The following XYLT1 variants were observed in gnomAD, a reference collection of about 807,000 sequenced individuals.
XYLT1 encodes the protein xylosyltransferase 1.
XYLT1 carries 36 observed loss-of-function variants against 91.3 expected under a neutral mutation model. That is an observed-to-expected ratio of 0.39 (90% CI 0.30 to 0.52). The LOEUF is 0.52. XYLT1 is among the 20% of genes least tolerant of loss of function. XYLT1 has a pLI of 0.68. For synonymous variants in XYLT1, 588 were observed against 532.0 expected (o/e 1.11, Z -1.45); for missense variants, 1,242 against 1,284.5 (o/e 0.97, Z 0.51).
chr16:17,145,048 A>G (rs748742191), intron 6 of XYLT1, among the ~76,000 whole-genome samples: 2 of 152,248 alleles, frequency 1.3e-5, no homozygotes, highest in Non-Finnish European at 2.9e-5. Flanking sequence ...CTAGCCCCTG[A>G]TAACCATCAG....
At chr16:17,254,132 A>T (rs1222233660) in intron 3 of XYLT1, among the ~76,000 whole-genome samples, 1 of 152,206 alleles carries the variant, frequency 6.6e-6, no homozygotes, top group Admixed American at 6.5e-5. Flanking sequence ...AGTGTTGCAC[A>T]TATTAGCACA....
At chr16:17,432,032 C>T (rs2036398638) in intron 1 of XYLT1, among the ~76,000 whole-genome samples, 1 of 152,060 alleles carries the variant, frequency 6.6e-6, no homozygotes, top group Non-Finnish European at 1.5e-5. Context: ...TTGTATTTCA[C>T]ACACAGCGGT....
At chr16:17,470,090 G>GA (rs1249313556) in intron 1 of XYLT1, among the ~76,000 whole-genome samples, 10 of 141,190 alleles carry the variant, frequency 7.1e-5, no homozygotes, top group Non-Finnish European at 9.5e-5. Flanking sequence ...GGCAGGGAGC[G>GA]AGTCACCAAG....
intron 1 of XYLT1, among the ~76,000 whole-genome samples, chr16:17,456,742 G>A (rs1436282954): frequency 6.6e-6 from 1 of 152,150 alleles, no homozygotes; most frequent in Non-Finnish European, 1.5e-5. Context: ...ACAGGCTCCT[G>A]AGTCACGCTG....
intron 2 of XYLT1, among the ~76,000 whole-genome samples, chr16:17,316,269 G>A (rs150308039): frequency 3.0e-4 from 46 of 152,274 alleles, no homozygotes; most frequent in African/African-American, 1.1e-3. Flanking sequence ...GTAGGTTATT[G>A]GCAGCATGTA....
At chr16:17,223,251 G>A (rs2033004290) in intron 3 of XYLT1, among the ~76,000 whole-genome samples, 1 of 152,160 alleles carries the variant, frequency 6.6e-6, no homozygotes, top group South Asian at 2.1e-4. Context: ...CCCAGCATTG[G>A]GGAAGCTGAC....
chr16:17,223,673 G>A (rs1028371206), intron 3 of XYLT1, among the ~76,000 whole-genome samples: 6 of 152,218 alleles, frequency 3.9e-5, no homozygotes, highest in African/African-American at 1.2e-4. Context: ...ACAACATGGA[G>A]GGGAGTCAAT....
chr16:17,139,468 G>C (rs1489555057), intron 7 of XYLT1, among the ~76,000 whole-genome samples: 2 of 152,108 alleles, frequency 1.3e-5, no homozygotes, highest in East Asian at 3.9e-4. Context: ...ACGGAGCTTT[G>C]GTCACCAGTA....
chr16:17,452,079 A>G (rs911624336), intron 1 of XYLT1, among the ~76,000 whole-genome samples: 2 of 152,192 alleles, frequency 1.3e-5, no homozygotes, highest in African/African-American at 4.8e-5. Context: ...TCCCTTACTC[A>G]ATTGCTATAA....
chr16:17,188,807 G>C (rs966963781), intron 5 of XYLT1, among the ~76,000 whole-genome samples: 2 of 152,114 alleles, frequency 1.3e-5, no homozygotes, highest in Non-Finnish European at 2.9e-5. Context: ...CAACCCTATG[G>C]GGTGGTGCCA....
At chr16:17,389,450 T>G (rs369072144) in intron 1 of XYLT1, among the ~76,000 whole-genome samples, 13 of 152,174 alleles carry the variant, frequency 8.5e-5, no homozygotes, top group Non-Finnish European at 1.8e-4. Context: ...CAGGATAGTA[T>G]AGAACAATCA....
In XYLT1 at chr16:17,134,473, C is replaced by A. The variant is rs765771864; in HGVS notation, c.2027G>T (p.Arg676Leu). ...SLHTDGENSC[R>L]YYPMGHPASV... ...TCTCTGCATCCCATATAGGGCTCAC[C>A]GGCAGCTGTTCTCCCCATCCGTGTG... is the stretch of plus-strand genomic sequence containing the variant. Residue 676 changes from arginine to leucine, a missense_variant and splice_region_variant, in exon 9 of 12, where the codon CGA becomes CTA. Coordinates refer to ENST00000261381, the MANE Select transcript of XYLT1 (RefSeq NM_022166.4). 6.2e-7 allele frequency: 1 copy of A among 1,613,928 alleles called. No homozygotes were observed. The highest frequency in any genetic ancestry group is 2.2e-5 in the East Asian group (1 of 44,888).
intron 3 of XYLT1, among the ~76,000 whole-genome samples, chr16:17,244,694 G>A (rs558143791): frequency 2.6e-5 from 4 of 152,318 alleles, no homozygotes; most frequent in African/African-American, 9.6e-5. Context: ...AATGGTACTA[G>A]TTATGTACAT....
intron 1 of XYLT1, among the ~76,000 whole-genome samples, chr16:17,378,787 C>G (rs2035634544): frequency 6.6e-6 from 1 of 152,170 alleles, no homozygotes; most frequent in African/African-American, 2.4e-5. Flanking sequence ...AGAGGCTGAG[C>G]TGGGGTTAGA....
At chr16:17,146,556 A>G (rs753123388) in intron 6 of XYLT1, among the ~76,000 whole-genome samples, 1 of 152,200 alleles carries the variant, frequency 6.6e-6, no homozygotes, top group Non-Finnish European at 1.5e-5. Context: ...GACTGATGAA[A>G]TTAGCAGAGA....
chr16:17,219,496 T>C (rs2032924615), intron 3 of XYLT1, among the ~76,000 whole-genome samples: 1 of 152,094 alleles, frequency 6.6e-6, no homozygotes, highest in Non-Finnish European at 1.5e-5. Context: ...GTGCTTGTAT[T>C]AATCGAGTCA....
chr16:17,165,471 G>C (rs565176267), intron 5 of XYLT1, among the ~76,000 whole-genome samples: 1 of 152,108 alleles, frequency 6.6e-6, no homozygotes, highest in South Asian at 2.1e-4. Context: ...CGGATCATGA[G>C]GTCAAGAGAT....
chr16:17,291,789 C>T (rs180914110), intron 2 of XYLT1, among the ~76,000 whole-genome samples: 15 of 151,990 alleles, frequency 9.9e-5, no homozygotes, highest in Non-Finnish European at 2.2e-4. Context: ...TGCCATGTTC[C>T]AAAAAGGCTT....
At chr16:17,361,822 T>G (rs1053834639) in intron 1 of XYLT1, among the ~76,000 whole-genome samples, 1 of 152,274 alleles carries the variant, frequency 6.6e-6, no homozygotes, top group Non-Finnish European at 1.5e-5. Flanking sequence ...CTTTGTCCTA[T>G]GGGCATATTA....
Sources: allele counts gnomAD v4.1 joint callset (sites outside exome capture counted in the v4.1 genomes callset), GRCh38; gene constraint gnomAD v4.1.1; transcripts MANE v1.5; gene names NCBI Gene and HGNC (gene_info 2026-07-23, HGNC 2026-07-21).